GRID2: variants seen among roughly 807,000 people sequenced by gnomAD.
The protein encoded by GRID2 is glutamate receptor ionotropic, delta-2.
GRID2 carries 33 observed loss-of-function variants against 114.8 expected under a neutral mutation model. That is an observed-to-expected ratio of 0.29 (90% CI 0.22 to 0.38). The LOEUF is 0.38. GRID2 is among the 10% of genes least tolerant of loss of function. The pLI is 1.00. For synonymous variants in GRID2, 505 were observed against 449.9 expected, an observed-to-expected ratio of 1.12 and a Z score of -1.55; for missense variants, 1,184 against 1,257.7, an observed-to-expected ratio of 0.94 and a Z score of 0.89.
chr4:93,427,730 G>C (rs1406087144), intron 10 of GRID2, among the ~76,000 whole-genome samples: 1 of 151,954 alleles, frequency 6.6e-6, no homozygotes. Context: ...TGATTGATAT[G>C]ATGTACATAT....
chr4:93,128,954 A>T (rs17330056), intron 4 of GRID2, among the ~76,000 whole-genome samples: 3,282 of 152,294 alleles, frequency 0.022, 41 homozygotes, highest in Middle Eastern at 0.054. Context: ...TCCATTCCCT[A>T]TTCTACCAGT....
chr4:92,816,546 A>T (rs921992411), intron 2 of GRID2, among the ~76,000 whole-genome samples: 1 of 152,032 alleles, frequency 6.6e-6, no homozygotes, highest in Non-Finnish European at 1.5e-5. Context: ...CCACAAGGAG[A>T]AGGGAGGAGT....
At chr4:92,565,159 G>A (rs183544754) in intron 1 of GRID2, among the ~76,000 whole-genome samples, 1 of 152,016 alleles carries the variant, frequency 6.6e-6, no homozygotes, top group African/African-American at 2.4e-5. Flanking sequence ...TGCTTGTTAT[G>A]TTACTTATTA....
chr4:92,793,817 A>T (rs780173500), intron 2 of GRID2, among the ~76,000 whole-genome samples: 1 of 151,812 alleles, frequency 6.6e-6, no homozygotes, highest in Non-Finnish European at 1.5e-5. Flanking sequence ...CACAAACAAA[A>T]CCCATTAGCT....
intron 2 of GRID2, among the ~76,000 whole-genome samples, chr4:92,605,508 T>C (rs553163387): frequency 1.8e-4 from 28 of 152,204 alleles, no homozygotes; most frequent in South Asian, 4.1e-4. Flanking sequence ...AAAATAATGA[T>C]ACTAAAATAA....
intron 2 of GRID2, among the ~76,000 whole-genome samples, chr4:93,032,161 A>G (rs964871828): frequency 1.3e-5 from 2 of 152,140 alleles, no homozygotes; most frequent in Non-Finnish European, 2.9e-5. Context: ...TATGATTATG[A>G]ATGCAGGCCT....
At chr4:93,460,860 G>A (rs914950246) in intron 11 of GRID2, among the ~76,000 whole-genome samples, 5 of 152,226 alleles carry the variant, frequency 3.3e-5, no homozygotes, top group Non-Finnish European at 7.4e-5. Context: ...TATCTGTAAT[G>A]TCCCCACTGA....
chr4:93,252,278 C>G lies in GRID2; in HGVS notation c.1245+13788C>G, dbSNP rs373739329. Among the ~76,000 whole-genome samples, 15 of 148,940 alleles carry G rather than the reference C, an allele frequency of 1.0e-4. No homozygotes were observed. In the East Asian group the frequency reaches 2.9e-3, roughly 29 times the overall value. On this transcript the variant is annotated intron_variant, in intron 8 of 15. Transcript: ENST00000282020. ...GAAGGGATCCAGTTTCAATTTCCTG[C>G]ATATGGCTAGCCAGTTATTTCAGCA...
chr4:92,313,826 A>G (rs1172674070), intron 1 of GRID2, among the ~76,000 whole-genome samples: 4 of 152,108 alleles, frequency 2.6e-5, no homozygotes, highest in Non-Finnish European at 5.9e-5. Context: ...ACAAGTGACA[A>G]AATACTGATT....
At chr4:92,493,194 A>G (rs112341446) in intron 1 of GRID2, among the ~76,000 whole-genome samples, 2 of 151,990 alleles carry the variant, frequency 1.3e-5, no homozygotes, top group Non-Finnish European at 2.9e-5. Flanking sequence ...CTATTTCGCT[A>G]AGAAAAAAGT....
chr4:93,357,369 AATT>A (rs1296318207), intron 8 of GRID2, among the ~76,000 whole-genome samples: 2 of 151,524 alleles, frequency 1.3e-5, no homozygotes, highest in Non-Finnish European at 3.0e-5. Flanking sequence ...AAAATAATTT[AATT>A]ATTAACTCCA....
intron 2 of GRID2, among the ~76,000 whole-genome samples, chr4:92,810,963 A>T (rs1740637723): frequency 6.6e-6 from 1 of 151,894 alleles, no homozygotes; most frequent in African/African-American, 2.4e-5. Flanking sequence ...TTGTACTTTT[A>T]GTAGAGATGA....
At chr4:92,876,251 TA>T (rs942008035) in intron 2 of GRID2, among the ~76,000 whole-genome samples, 7 of 151,222 alleles carry the variant, frequency 4.6e-5, no homozygotes, top group Admixed American at 6.6e-5. Flanking sequence ...ATTATGAAAT[TA>T]AAAAAACCCA....
intron 1 of GRID2, among the ~76,000 whole-genome samples, chr4:92,428,475 A>G (rs539350654): frequency 6.6e-6 from 1 of 152,242 alleles, no homozygotes; most frequent in East Asian, 1.9e-4. Flanking sequence ...AAGAGAATAG[A>G]ACTATAACAG....
chr4:92,308,900 G>A (rs1513454), intron 1 of GRID2, among the ~76,000 whole-genome samples: 16,440 of 151,914 alleles, frequency 0.11, 2,233 homozygotes, highest in African/African-American at 0.32. Flanking sequence ...CTGTGTAAAC[G>A]TCTAGAATGT....
At chr4:92,710,714 C>T (rs1359198414) in intron 2 of GRID2, among the ~76,000 whole-genome samples, 1 of 152,084 alleles carries the variant, frequency 6.6e-6, no homozygotes, top group Non-Finnish European at 1.5e-5. Flanking sequence ...TCCAAGGTTA[C>T]CTCTAGGTTT....
intron 11 of GRID2, among the ~76,000 whole-genome samples, chr4:93,474,545 G>A (rs1409358191): frequency 6.6e-6 from 1 of 152,030 alleles, no homozygotes; most frequent in Non-Finnish European, 1.5e-5. Context: ...TAAATTTTTA[G>A]TGTAGGAAGC....
chr4:93,294,944 A>C (rs572744594), intron 8 of GRID2, among the ~76,000 whole-genome samples: 1 of 152,256 alleles, frequency 6.6e-6, no homozygotes, highest in African/African-American at 2.4e-5. Flanking sequence ...AATTTATCGG[A>C]TAGGGTGTGA....
intron 8 of GRID2, among the ~76,000 whole-genome samples, chr4:93,275,431 CATAT>C (rs3078736): frequency 9.5e-5 from 14 of 147,914 alleles, no homozygotes; most frequent in East Asian, 2.0e-4. Context: ...TGGATATATA[CATAT>C]ATATATATAT....
Sources: allele counts gnomAD v4.1 joint callset (sites outside exome capture counted in the v4.1 genomes callset), GRCh38; gene constraint gnomAD v4.1.1; transcripts MANE v1.5; gene names NCBI Gene and HGNC (gene_info 2026-07-23, HGNC 2026-07-21).